LSR: variants seen among roughly 807,000 people sequenced by gnomAD.
The protein encoded by LSR is lipolysis-stimulated lipoprotein receptor.
LSR carries 44 observed loss-of-function variants against 61.8 expected under a neutral mutation model. The ratio of observed to expected loss-of-function variants is 0.71; its 90% CI spans 0.56 to 0.91. The LOEUF (loss-of-function observed/expected upper bound fraction) is 0.91, where lower values mean the gene tolerates loss of function less well. LSR is among the 40% of genes least tolerant of loss of function. The pLI is 0.00. For synonymous variants in LSR, 397 were observed against 350.6 expected (o/e 1.13, Z -1.48); for missense variants, 911 against 830.5 (o/e 1.10, Z -1.19).
rs772624618 is a variant in LSR at position 35,267,650 on chromosome 19, G to A, written c.1686G>A (p.Glu562=). The change falls in exon 9 of 10, where the codon GAG becomes GAA. Residue 562 remains glutamate (E), a synonymous_variant. Transcript: ENST00000605618. ...SEERRRPHKE[E]EEEAYYPPAP... ...AGAGGAGGAGACCCCACAAGGAGGA[G>A]GAGGAAGAGGCCTACTACCCGCCCG... 3.7e-6 allele frequency: 6 copies of A among 1,610,418 alleles called. No individual in the cohort carries two copies. The highest frequency in any genetic ancestry group is 2.2e-5 in the East Asian group (1 of 44,850).
Position 35,266,344 on chromosome 19 carries a change from A to G in LSR, c.779-15A>G, listed in dbSNP as rs566690821. ...CTGCCTCATCCCCCTTCTCCTGTTG[A>G]TTGTGTCCTCACAGTGTATGCCGCC... On this transcript the variant is annotated splice_polypyrimidine_tract_variant and intron_variant, in intron 5 of 9. Transcript: ENST00000605618. The G allele has an allele frequency of 6.4e-7, 1 of 1,556,542 alleles. No homozygotes were observed. Among genetic ancestry groups the G allele is most frequent in the South Asian group, 1.2e-5 (1 of 82,140 alleles).
chr19:35,261,265 G>A (rs2145526119), intron 3 of LSR, among the ~76,000 whole-genome samples: 1 of 152,350 alleles, frequency 6.6e-6, no homozygotes, highest in Middle Eastern at 3.4e-3. Flanking sequence ...ACTTTCATAT[G>A]TGGGTATTTT....
intron 5 of LSR, among the ~76,000 whole-genome samples, chr19:35,263,260 G>A (rs1033467409): frequency 2.6e-5 from 4 of 151,176 alleles, no homozygotes; most frequent in Admixed American, 1.3e-4. Flanking sequence ...CAGCCTGGGC[G>A]ACAGAGTGAG....
chr19:35,266,570 T>C (rs1375841655), intron 6 of LSR, 38 bp downstream of exon 6: 1 of 1,600,698 alleles, frequency 6.2e-7, no homozygotes, highest in Admixed American at 1.7e-5. Flanking sequence ...GGTGGGAGTG[T>C]GCTGGGCATC....
At chr19:35,258,658 T>A (rs1053914152) in intron 2 of LSR, among the ~76,000 whole-genome samples, 1 of 151,984 alleles carries the variant, frequency 6.6e-6, no homozygotes, top group Non-Finnish European at 1.5e-5. Flanking sequence ...ATTACTGCTC[T>A]ATACTGAAGA....
intron 5 of LSR, among the ~76,000 whole-genome samples, chr19:35,265,145 T>G (rs935296861): frequency 2.6e-5 from 4 of 152,142 alleles, no homozygotes; most frequent in Non-Finnish European, 5.9e-5. Flanking sequence ...GGCCATCCCA[T>G]CCCCTCCCTC....
At position 35,267,944 on chromosome 19, in the gene LSR, T is replaced by C; in HGVS notation, c.*85T>C. The stretch of plus-strand genomic sequence containing the variant: ...AGCCCTGCCATACCCCTCCCGAGTC[T>C]AATAAAACGTATAATCACAAGCTCT... On this transcript the variant is annotated 3_prime_UTR_variant, in exon 10 of 10. Transcript: ENST00000605618. 6.8e-7 allele frequency: 1 copy of C among 1,467,788 alleles called. No homozygotes were observed. The allele number at this position is 1,467,788 out of a possible 1,614,324, so 90.9% of individuals were successfully genotyped here.
In LSR at chr19:35,267,607, G is replaced by C; in HGVS notation, c.1643G>C (p.Arg548Thr). 6.2e-7 allele frequency: 1 copy of C among 1,612,332 alleles called. No homozygotes were observed. The highest frequency in any genetic ancestry group is 8.5e-7 in the Non-Finnish European group (1 of 1,179,676). The change falls in exon 9 of 10, where the codon AGG (arginine) becomes ACG (threonine). Residue 548 changes from arginine to threonine, a missense_variant. Physicochemically the swap from Arg to Thr is moderately conservative, Grantham distance 71 (BLOSUM62 -1). Coordinates refer to ENST00000605618, the MANE Select transcript of LSR (RefSeq NM_205834.4). ...YDGRLLEEAV[R>T]KKGSEERRRP... ...GGGCGGCTACTGGAGGAGGCTGTGA[G>C]GAAGAAGGGGTCGGAGGAGAGGAGG...
At chr19:35,259,353 T>A (rs2145517672) in intron 3 of LSR, 1 of 273,778 alleles carries the variant, frequency 3.7e-6, no homozygotes, top group Admixed American at 4.9e-5. Context: ...AAATCCAGAC[T>A]TGGGGTCCGG....
intron 5 of LSR, 70 bp from the exon 6 acceptor site, chr19:35,266,289 G>A: frequency 7.3e-7 from 1 of 1,364,924 alleles, no homozygotes; most frequent in East Asian, 2.3e-5. Context: ...GGTCCCTCCG[G>A]AACCCAATGG....
At chr19:35,256,979 G>C (rs895811940) in intron 2 of LSR, among the ~76,000 whole-genome samples, 1 of 152,078 alleles carries the variant, frequency 6.6e-6, no homozygotes, top group Non-Finnish European at 1.5e-5. Context: ...TGGGACTACA[G>C]GTGCGTGCCA....
chr19:35,265,495 CACTT>C (rs1284036220), intron 5 of LSR, among the ~76,000 whole-genome samples: 2 of 152,198 alleles, frequency 1.3e-5, no homozygotes, highest in African/African-American at 4.8e-5. Flanking sequence ...CTAGGCTGTG[CACTT>C]AGTCTTCTGC....
intron 2 of LSR, among the ~76,000 whole-genome samples, chr19:35,257,915 T>C (rs1436566121): frequency 6.6e-6 from 1 of 152,056 alleles, no homozygotes; most frequent in Admixed American, 6.6e-5. Flanking sequence ...TGACCTGGAA[T>C]GTGGGGATGG....
rs2066021172 is a variant in LSR, at chr19:35,267,219, A to G, written c.1255A>G (p.Ser419Gly). ...DEEWGGHSPR[S>G]PRGWDQEPAR... ...GGAGTGGGGTGGCCACTCCCCCCGG[A>G]GTCCCAGGGGATGGGACCAGGAGCC... Residue 419 changes from serine (S) to glycine (G), a missense_variant, in exon 9 of 10, where the codon AGT (serine) becomes GGT (glycine). Physicochemically the swap from Ser to Gly is moderately conservative, Grantham distance 56. Transcript: ENST00000605618. The G allele has an allele frequency of 1.3e-6, 2 of 1,521,462 alleles. No homozygotes were observed. The highest frequency in any genetic ancestry group is 2.2e-5 in the Admixed American group (1 of 45,324). 94.2% of individuals were successfully genotyped at this position (1,521,462 alleles called of 1,614,324 possible).
Position 35,267,443 on chromosome 19 carries a change from G to A in LSR, c.1479G>A (p.Arg493=), listed in dbSNP as rs1203148670. 1.9e-6 allele frequency: 3 copies of A among 1,610,730 alleles called. No homozygotes were observed. The highest frequency in any genetic ancestry group is 1.1e-5 in the South Asian group (1 of 90,810). ...RDDLYDQDDS[R]DFPRSRDPHY... is the part of the protein sequence containing the mutation. Reference sequence around the variant, plus strand: ...ACCTCTATGACCAAGACGACTCGAGGGACTTCCCACGCTCCCGGGACCCCC... The same window carrying A: ...ACCTCTATGACCAAGACGACTCGAGAGACTTCCCACGCTCCCGGGACCCCC... The change falls in exon 9 of 10, where the codon AGG becomes AGA. Residue 493 remains arginine, a synonymous_variant. Coordinates refer to ENST00000605618, the MANE Select transcript of LSR (RefSeq NM_205834.4).
chr19:35,258,474 G>C (rs1204686823), intron 2 of LSR, among the ~76,000 whole-genome samples: 4 of 151,840 alleles, frequency 2.6e-5, no homozygotes, highest in Admixed American at 6.6e-5. Context: ...AAAAAAGCTG[G>C]GCATGGTGGA....
chr19:35,255,696 G>A (rs886716073), intron 2 of LSR, among the ~76,000 whole-genome samples: 5 of 152,148 alleles, frequency 3.3e-5, no homozygotes, highest in Admixed American at 6.5e-5. Context: ...CACCATATCC[G>A]GAAGCCTTCC....
At chr19:35,266,647 G>A (rs1183259534) in intron 6 of LSR, 32 bp from the exon 7 acceptor site, 4 of 1,600,880 alleles carry the variant, frequency 2.5e-6, no homozygotes, top group South Asian at 1.1e-5. Context: ...TCTGCTCCTG[G>A]TGCGCGGCCA....
chr19:35,266,039 T>A (rs2065993072), intron 5 of LSR, among the ~76,000 whole-genome samples: 1 of 152,230 alleles, frequency 6.6e-6, no homozygotes, highest in East Asian at 1.9e-4. Flanking sequence ...AACCTTTTGA[T>A]TGACAAATGT....
Sources: allele counts gnomAD v4.1 joint callset (sites outside exome capture counted in the v4.1 genomes callset), GRCh38; gene constraint gnomAD v4.1.1; transcripts MANE v1.5; gene names NCBI Gene and HGNC (gene_info 2026-07-23, HGNC 2026-07-21).